The following SLC4A4 variants were observed in gnomAD, a reference collection of about 807,000 sequenced individuals.
SLC4A4 encodes electrogenic sodium bicarbonate cotransporter 1.
SLC4A4 carries 27 observed loss-of-function variants against 111.5 expected under a neutral mutation model. The ratio of observed to expected loss-of-function variants is 0.24; its 90% CI spans 0.18 to 0.33. SLC4A4 has a LOEUF of 0.33. Ranked by LOEUF, SLC4A4 falls within the 10% of genes least tolerant of loss-of-function variation. The pLI is 1.00. For synonymous variants in SLC4A4, 443 were observed against 463.4 expected, an observed-to-expected ratio of 0.96 and a Z score of 0.57; for missense variants, 909 against 1,315.5, an observed-to-expected ratio of 0.69 and a Z score of 4.78.
chr4:71,522,081 A>G (rs1174999067), intron 16 of SLC4A4, among the ~76,000 whole-genome samples: 1 of 152,220 alleles, frequency 6.6e-6, no homozygotes, highest in East Asian at 1.9e-4. Flanking sequence ...ACAGTTCTAC[A>G]GAGCCCTAAT....
chr4:71,278,029 A>G (rs1419971343), intron 3 of SLC4A4, among the ~76,000 whole-genome samples: 1 of 152,098 alleles, frequency 6.6e-6, no homozygotes. Context: ...ACCATACTTT[A>G]TGTTACATCC....
chr4:71,158,097 C>G (rs922986515), intron 2 of SLC4A4, among the ~76,000 whole-genome samples: 6 of 137,078 alleles, frequency 4.4e-5, no homozygotes, highest in African/African-American at 8.5e-5. Context: ...ATCCTTGACT[C>G]TGTGTGTGTG....
intron 2 of SLC4A4, among the ~76,000 whole-genome samples, chr4:71,181,901 A>C (rs1217104383): frequency 2.6e-5 from 4 of 152,096 alleles, no homozygotes; most frequent in Admixed American, 2.6e-4. Flanking sequence ...ACAATTTCTC[A>C]CTATGTCTTC....
intron 24 of SLC4A4, among the ~76,000 whole-genome samples, chr4:71,565,869 G>T (rs1737425428): frequency 6.6e-6 from 1 of 151,768 alleles, no homozygotes; most frequent in African/African-American, 2.4e-5. Context: ...TTACCTGTGG[G>T]TATCTCCGTA....
intron 14 of SLC4A4, among the ~76,000 whole-genome samples, chr4:71,474,651 A>C (rs534110484): frequency 6.6e-6 from 1 of 151,982 alleles, no homozygotes; most frequent in South Asian, 2.1e-4. Context: ...CTGTGTGCTC[A>C]TGGATTCTTT....
intron 20 of SLC4A4, among the ~76,000 whole-genome samples, chr4:71,550,321 G>A (rs1037388148): frequency 6.6e-6 from 1 of 151,896 alleles, no homozygotes; most frequent in African/African-American, 2.4e-5. Context: ...GATAAAGTCA[G>A]CTACTTTCAG....
At chr4:71,528,804 A>G (rs1227981574) in intron 16 of SLC4A4, among the ~76,000 whole-genome samples, 1 of 152,076 alleles carries the variant, frequency 6.6e-6, no homozygotes, top group Non-Finnish European at 1.5e-5. Flanking sequence ...AAATAGAATA[A>G]AAGTGGAAAA....
At chr4:71,480,520 T>C (rs1397225026) in intron 14 of SLC4A4, among the ~76,000 whole-genome samples, 2 of 151,804 alleles carry the variant, frequency 1.3e-5, no homozygotes, top group African/African-American at 2.4e-5. Context: ...GTTGCCTTTA[T>C]TGACCTAGAA....
At chr4:71,127,989 T>A (rs925450343) in intron 2 of SLC4A4, among the ~76,000 whole-genome samples, 1 of 152,142 alleles carries the variant, frequency 6.6e-6, no homozygotes, top group Non-Finnish European at 1.5e-5. Flanking sequence ...TTGAGGCTGA[T>A]GTGGGAAGAT....
chr4:71,283,592 GTT>G (rs1426343012), intron 3 of SLC4A4, among the ~76,000 whole-genome samples: 1 of 152,076 alleles, frequency 6.6e-6, no homozygotes, highest in African/African-American at 2.4e-5. Flanking sequence ...CAGGGGAGTG[GTT>G]TTTGAGTCAA....
intron 1 of SLC4A4, among the ~76,000 whole-genome samples, chr4:71,223,994 C>T (rs1463517624): frequency 1.3e-5 from 2 of 152,152 alleles, no homozygotes; most frequent in African/African-American, 2.4e-5. Context: ...CCTCACTGCC[C>T]CATTTTTACC....
At chr4:71,356,740 G>A (rs1390658416) in intron 5 of SLC4A4, among the ~76,000 whole-genome samples, 1 of 151,930 alleles carries the variant, frequency 6.6e-6, no homozygotes, top group African/African-American at 2.4e-5. Context: ...CTGACTTATT[G>A]TGTTACAGGA....
At chr4:71,302,304 G>A (rs1725335694) in intron 3 of SLC4A4, among the ~76,000 whole-genome samples, 4 of 152,110 alleles carry the variant, frequency 2.6e-5, no homozygotes, top group African/African-American at 7.2e-5. Context: ...TGCTGAGCCT[G>A]GACAAGTCCC....
At chr4:71,282,097 T>A (rs1174989285) in intron 3 of SLC4A4, among the ~76,000 whole-genome samples, 1 of 152,036 alleles carries the variant, frequency 6.6e-6, no homozygotes, top group African/African-American at 2.4e-5. Flanking sequence ...CCTTGAGAAG[T>A]TTGGCTTGAG....
At chr4:71,212,062 T>G (rs1314433187) in intron 1 of SLC4A4, among the ~76,000 whole-genome samples, 1 of 152,194 alleles carries the variant, frequency 6.6e-6, no homozygotes, top group African/African-American at 2.4e-5. Context: ...ACAACTAAGA[T>G]GCCATCTAAG....
At chr4:71,338,881 G>A (rs1728649049) in intron 3 of SLC4A4, among the ~76,000 whole-genome samples, 1 of 142,528 alleles carries the variant, frequency 7.0e-6, no homozygotes, top group African/African-American at 2.6e-5. Flanking sequence ...GCAGGGAGAA[G>A]CCTGCGAGGG....
At position 71,397,616 on chromosome 4, in the gene SLC4A4, G is replaced by A. The variant is rs1270049022; in HGVS notation, c.770G>A (p.Ser257Asn). ...AMTHRNLTSS[S>N]LNDISDKPEK... is the part of the protein sequence containing the mutation. The stretch of plus-strand genomic sequence containing the variant: ...ACCCATAGGAATCTGACTTCCTCCA[G>A]TCTGAATGACATTTCTGATAAACCG... The change falls in exon 7 of 26, where the codon AGT becomes AAT. Residue 257 changes from serine (S) to asparagine (N), a missense_variant. Physicochemically the swap from Ser to Asn is conservative, Grantham distance 46. Transcript: ENST00000264485. The A allele has an allele frequency of 6.2e-7, 1 of 1,614,014 alleles. No individual in the cohort carries two copies. The highest frequency in any genetic ancestry group is 8.5e-7 in the Non-Finnish European group (1 of 1,179,914).
intron 2 of SLC4A4, among the ~76,000 whole-genome samples, chr4:71,168,169 A>G (rs1334212299): frequency 6.8e-6 from 1 of 147,384 alleles, no homozygotes; most frequent in Non-Finnish European, 1.5e-5. Flanking sequence ...AAACAATTCA[A>G]TTATACTCTT....
At chr4:71,109,957 G>A (rs1214070280) in intron 2 of SLC4A4, among the ~76,000 whole-genome samples, 6 of 152,190 alleles carry the variant, frequency 3.9e-5, no homozygotes, top group Non-Finnish European at 8.8e-5. Flanking sequence ...CCTGCCAGTG[G>A]GATGGGGGTG....
Sources: allele counts gnomAD v4.1 joint callset (sites outside exome capture counted in the v4.1 genomes callset), GRCh38; gene constraint gnomAD v4.1.1; transcripts MANE v1.5; gene names NCBI Gene and HGNC (gene_info 2026-07-23, HGNC 2026-07-21).